NFATC3: variants seen among roughly 807,000 people sequenced by gnomAD.
The protein encoded by NFATC3 is nuclear factor of activated T-cells, cytoplasmic 3.
A neutral mutation model predicts 98.6 loss-of-function variants in NFATC3; 46 were observed. The ratio of observed to expected loss-of-function variants is 0.47; its 90% CI spans 0.37 to 0.60. NFATC3 has a LOEUF of 0.60. Ranked by LOEUF, NFATC3 falls within the 20% of genes least tolerant of loss-of-function variation. The probability of loss-of-function intolerance (pLI) is 0.00; values close to 1 mark genes in which losing one functional copy is unlikely to be tolerated. For synonymous variants in NFATC3, 512 were observed against 472.2 expected (o/e 1.08, Z -1.09); for missense variants, 1,256 against 1,295.5 (o/e 0.97, Z 0.47).
chr16:68,195,401 G>A (rs1468922019), intron 9 of NFATC3, among the ~76,000 whole-genome samples: 2 of 152,168 alleles, frequency 1.3e-5, no homozygotes, highest in African/African-American at 4.8e-5. Flanking sequence ...AGTACACAAT[G>A]GTGTGCACCT....
chr16:68,110,465 C>T (rs1179804895), intron 1 of NFATC3, among the ~76,000 whole-genome samples: 1 of 151,966 alleles, frequency 6.6e-6, no homozygotes, highest in African/African-American at 2.4e-5. Flanking sequence ...CCCACCACCA[C>T]ACCCGGCTAA....
chr16:68,133,876 CTT>C (rs1041659744), intron 3 of NFATC3, among the ~76,000 whole-genome samples: 4 of 146,452 alleles, frequency 2.7e-5, no homozygotes, highest in Admixed American at 1.4e-4. Flanking sequence ...GCTTTGTGCC[CTT>C]TTTTTTAAAA....
intron 4 of NFATC3, among the ~76,000 whole-genome samples, chr16:68,164,313 G>A (rs1202376115): frequency 1.3e-5 from 2 of 152,220 alleles, no homozygotes; most frequent in African/African-American, 4.8e-5. Flanking sequence ...ATCAGGCAGG[G>A]AGGTTGCAGT....
chr16:68,151,083 T>C (rs774873178), intron 3 of NFATC3, among the ~76,000 whole-genome samples: 2 of 152,048 alleles, frequency 1.3e-5, no homozygotes, highest in Admixed American at 6.6e-5. Context: ...GGCTGGGCAT[T>C]GTAGCTCACA....
chr16:68,221,176 AC>A (rs2041849377), intron 9 of NFATC3: 1 of 1,611,628 alleles, frequency 6.2e-7, no homozygotes, highest in Non-Finnish European at 8.5e-7. Flanking sequence ...CTAATGACTT[AC>A]ATTTACATTA....
intron 9 of NFATC3, chr16:68,201,120 C>T (rs2040892998): frequency 6.6e-6 from 1 of 152,162 alleles, no homozygotes; most frequent in South Asian, 2.1e-4. Context: ...TTAGTAGAGA[C>T]AGGGTTTAGT....
chr16:68,153,331 A>G (rs1457095010), intron 3 of NFATC3, among the ~76,000 whole-genome samples: 2 of 152,092 alleles, frequency 1.3e-5, no homozygotes, highest in Admixed American at 1.3e-4. Context: ...CTGAGTCAGG[A>G]GAATCGCTTG....
At chr16:68,162,762 T>A (rs1008172866) in intron 4 of NFATC3, among the ~76,000 whole-genome samples, 1 of 151,924 alleles carries the variant, frequency 6.6e-6, no homozygotes, top group African/African-American at 2.4e-5. Context: ...TTTTTTTTTT[T>A]AATTGATCAT....
At chr16:68,089,153 T>C (rs955183882) in intron 1 of NFATC3, 280 of 985,298 alleles carry the variant, frequency 2.8e-4, no homozygotes, top group Non-Finnish European at 3.2e-4. Context: ...GGAGTACTTG[T>C]ATCACAACTA....
intron 3 of NFATC3, among the ~76,000 whole-genome samples, chr16:68,150,209 C>CAGCCCCACTCTCAAAAAA (rs1315072256): frequency 1.3e-5 from 2 of 152,080 alleles, no homozygotes; most frequent in Non-Finnish European, 2.9e-5. Context: ...CTATCAGACC[C>CAGCCCCACTCTCAAAAAA]AGCCCCACTC....
chr16:68,127,591 G>A (rs764533272), intron 3 of NFATC3, among the ~76,000 whole-genome samples: 2 of 151,384 alleles, frequency 1.3e-5, no homozygotes, highest in Non-Finnish European at 2.9e-5. Context: ...CAGAGGCTAA[G>A]ATGGGAAGAT....
chr16:68,104,785 G>C (rs2035563235), intron 1 of NFATC3, among the ~76,000 whole-genome samples: 1 of 151,480 alleles, frequency 6.6e-6, no homozygotes, highest in African/African-American at 2.4e-5. Flanking sequence ...CTCCCAAGTA[G>C]CTGGGATTAC....
Position 68,122,471 on chromosome 16 carries a change from G to C in NFATC3, c.588G>C (p.Leu196Phe). ...SHIYDDVDSELNEAAARFTLG... is the reference protein window; with the variant it reads ...SHIYDDVDSEFNEAAARFTLG... Reference sequence around the variant, plus strand: ...TTTATGATGATGTGGACTCAGAGTTGAATGAAGCTGCAGCCCGATTTACCC... The same window carrying C: ...TTTATGATGATGTGGACTCAGAGTTCAATGAAGCTGCAGCCCGATTTACCC... The change falls in exon 2 of 10, where the codon TTG becomes TTC. Residue 196 changes from leucine to phenylalanine, a missense_variant. Leu to Phe is a conservative substitution (Grantham distance 22). Coordinates refer to ENST00000346183, the MANE Select transcript of NFATC3 (RefSeq NM_173165.3). The C allele has an allele frequency of 6.2e-7, 1 of 1,614,096 alleles. No homozygotes were observed. Among genetic ancestry groups the C allele is most frequent in the Non-Finnish European group, 8.5e-7 (1 of 1,180,022 alleles).
intron 4 of NFATC3, among the ~76,000 whole-genome samples, chr16:68,161,068 T>C (rs962716970): frequency 6.6e-6 from 1 of 152,206 alleles, no homozygotes; most frequent in African/African-American, 2.4e-5. Context: ...CAAAACTTTC[T>C]TGAGGAAAAA....
chr16:68,119,332 C>G (rs1049177098), intron 1 of NFATC3, among the ~76,000 whole-genome samples: 5 of 152,160 alleles, frequency 3.3e-5, no homozygotes, highest in African/African-American at 4.8e-5. Flanking sequence ...GTCCTGTATT[C>G]CATCTTTTCT....
At position 68,122,810 on chromosome 16, in the gene NFATC3, G is replaced by A. The variant is rs762026957; in HGVS notation, c.927G>A (p.Thr309=). Residue 309 remains threonine (T), a synonymous_variant, in exon 2 of 10, where the codon ACG becomes ACA. Coordinates refer to ENST00000346183, the MANE Select transcript of NFATC3 (RefSeq NM_173165.3). ...HSPRGSVTED[T]WLNASVHGGS... Reference sequence around the variant, plus strand: ...CCAGGGGAAGTGTGACAGAAGATACGTGGCTCAATGCTTCTGTCCATGGTG... The same window carrying A: ...CCAGGGGAAGTGTGACAGAAGATACATGGCTCAATGCTTCTGTCCATGGTG... The A allele has an allele frequency of 1.5e-5, 25 of 1,614,102 alleles. No homozygotes were observed. Among genetic ancestry groups the A allele is most frequent in the Middle Eastern group, 1.6e-4 (1 of 6,084 alleles).
intron 5 of NFATC3, among the ~76,000 whole-genome samples, chr16:68,170,729 G>C (rs1222138135): frequency 6.6e-6 from 1 of 152,054 alleles, no homozygotes; most frequent in Non-Finnish European, 1.5e-5. Context: ...CTGACTTCAA[G>C]TAATCTGCCC....
chr16:68,189,979 C>G (rs2040367745), intron 8 of NFATC3, among the ~76,000 whole-genome samples: 1 of 152,130 alleles, frequency 6.6e-6, no homozygotes, highest in South Asian at 2.1e-4. Flanking sequence ...TCCCTTGTTG[C>G]AGTACGCCGA....
chr16:68,176,350 C>CTTT (rs534346720), intron 6 of NFATC3, among the ~76,000 whole-genome samples: 13 of 143,926 alleles, frequency 9.0e-5, no homozygotes, highest in Admixed American at 2.1e-4. Flanking sequence ...TGCTCAACAT[C>CTTT]TTTTTTTTTT....
Sources: gnomAD v4.1 joint callset for allele counts (sites outside exome capture counted in the v4.1 genomes callset) on GRCh38, gnomAD v4.1.1 for gene constraint, MANE v1.5 for transcripts, NCBI Gene and HGNC (gene_info 2026-07-23, HGNC 2026-07-21) for gene names.